Variants in PTPRT observed in about 807,000 individuals in gnomAD.
The protein encoded by PTPRT is protein tyrosine phosphatase receptor type T.
In PTPRT, 56 loss-of-function variants were observed where a neutral mutation model predicts 176.8. The ratio of observed to expected loss-of-function variants is 0.32; its 90% CI spans 0.26 to 0.40. The LOEUF is 0.40. Ranked by LOEUF, PTPRT falls within the 10% of genes least tolerant of loss-of-function variation. The pLI, the probability that PTPRT is intolerant of heterozygous loss-of-function variation, is 1.00. For missense variants in PTPRT, 1,540 were observed against 1,908.2 expected, an observed-to-expected ratio of 0.81 and a Z score of 3.60; for synonymous variants, 783 against 739.0, an observed-to-expected ratio of 1.06 and a Z score of -0.96.
chr20:42,851,523 T>TC (rs2078470727), intron 2 of PTPRT, among the ~76,000 whole-genome samples: 1 of 152,290 alleles, frequency 6.6e-6, no homozygotes, highest in Non-Finnish European at 1.5e-5. Flanking sequence ...CTCAAAAATG[T>TC]CCCTATTGAA....
chr20:42,048,463 T>G, the PTPRT span, among the ~76,000 whole-genome samples: 8 of 152,284 alleles, frequency 5.3e-5, no homozygotes, highest in South Asian at 1.7e-3. Context: ...TAAAGCTTCC[T>G]CTTGGTTCTT....
At chr20:42,387,610 G>A (rs748624158) in intron 9 of PTPRT, among the ~76,000 whole-genome samples, 7 of 151,932 alleles carry the variant, frequency 4.6e-5, no homozygotes, top group African/African-American at 1.5e-4. Context: ...ATGCTCTCCC[G>A]ACTCCAACAC....
chr20:43,071,459 T>A (rs2011179318), intron 1 of PTPRT, among the ~76,000 whole-genome samples: 1 of 152,072 alleles, frequency 6.6e-6, no homozygotes, highest in African/African-American at 2.4e-5. Context: ...GGCCCCCAGC[T>A]CCAGTTCTGC....
chr20:42,500,532 T>C (rs1211242899), intron 7 of PTPRT, among the ~76,000 whole-genome samples: 2 of 152,130 alleles, frequency 1.3e-5, no homozygotes, highest in East Asian at 1.9e-4. Context: ...ATGTGACTAG[T>C]ATAACATTGT....
At position 42,813,947 on chromosome 20, in the gene PTPRT, A is replaced by C. The variant is rs79015883; in HGVS notation, c.215-22481T>G. ...CCATTAGAGAAAGTTAACCTCCTCCATAACCCCCTTCCTTTGCTTTGTTTA... is the reference window on the plus strand; with the variant it reads ...CCATTAGAGAAAGTTAACCTCCTCCCTAACCCCCTTCCTTTGCTTTGTTTA... On this transcript the variant is annotated intron_variant, in intron 2 of 30. Coordinates refer to ENST00000373187, the MANE Select transcript of PTPRT (RefSeq NM_007050.6). Among the ~76,000 whole-genome samples the C allele has an allele frequency of 1.4e-4, 22 of 152,270 alleles. No homozygotes were observed. The East Asian group carries it at 4.2e-3, about 29-fold the overall frequency.
intron 1 of PTPRT, among the ~76,000 whole-genome samples, chr20:42,988,360 G>T (rs1488846681): frequency 6.6e-6 from 1 of 152,184 alleles, no homozygotes. Context: ...TGCAGTCCGT[G>T]CTTGTCTTGC....
intron 7 of PTPRT, among the ~76,000 whole-genome samples, chr20:42,540,197 T>G (rs1034399074): frequency 3.3e-5 from 5 of 152,160 alleles, no homozygotes; most frequent in African/African-American, 1.2e-4. Context: ...CAGAATGGCT[T>G]TAGCTTTCTC....
At chr20:42,448,472 T>C (rs1376379238) in intron 8 of PTPRT, 143 bp from the exon 9 acceptor site, 7 of 642,148 alleles carry the variant, frequency 1.1e-5, no homozygotes, top group Non-Finnish European at 1.4e-5. Context: ...ACGTTCTCTG[T>C]TACAACTACT....
chr20:42,376,402 G>T (rs2058649087), intron 9 of PTPRT, among the ~76,000 whole-genome samples: 1 of 152,210 alleles, frequency 6.6e-6, no homozygotes, highest in South Asian at 2.1e-4. Context: ...ACAGCTGGTT[G>T]CACTCTATGA....
intron 2 of PTPRT, among the ~76,000 whole-genome samples, chr20:42,793,899 A>C (rs2145560928): frequency 6.6e-6 from 1 of 152,274 alleles, no homozygotes; most frequent in Non-Finnish European, 1.5e-5. Context: ...CAGCAGAGGC[A>C]GCAGCCTGAG....
At chr20:42,454,242 C>T (rs767839590) in intron 8 of PTPRT, among the ~76,000 whole-genome samples, 5 of 152,008 alleles carry the variant, frequency 3.3e-5, no homozygotes, top group African/African-American at 7.3e-5. Flanking sequence ...ACCATTCTAC[C>T]GTATATGAAC....
intron 7 of PTPRT, among the ~76,000 whole-genome samples, chr20:42,486,821 G>A (rs1345846627): frequency 6.6e-6 from 1 of 152,068 alleles, no homozygotes; most frequent in East Asian, 1.9e-4. Context: ...ATGCACCAGA[G>A]CCGAGCCAAG....
At chr20:42,824,390 T>C (rs530579815) in intron 2 of PTPRT, among the ~76,000 whole-genome samples, 3 of 152,052 alleles carry the variant, frequency 2.0e-5, no homozygotes, top group Admixed American at 6.6e-5. Context: ...AAAGCCACAA[T>C]AATTAAAAGA....
intron 15 of PTPRT, among the ~76,000 whole-genome samples, chr20:42,210,303 T>C (rs961137686): frequency 3.9e-5 from 6 of 152,096 alleles, no homozygotes; most frequent in African/African-American, 1.4e-4. Flanking sequence ...GCCAGGGCAA[T>C]GAGGCAGGAG....
intron 1 of PTPRT, among the ~76,000 whole-genome samples, chr20:43,001,880 AAAAAAAC>A (rs1984583588): frequency 8.0e-6 from 1 of 125,072 alleles, no homozygotes; most frequent in East Asian, 1.9e-4. Context: ...ACAAACAAAC[AAAAAAAC>A]AAACAAAAAA....
At chr20:42,164,447 A>G (rs970500902) in intron 16 of PTPRT, among the ~76,000 whole-genome samples, 2 of 152,216 alleles carry the variant, frequency 1.3e-5, no homozygotes, top group Non-Finnish European at 2.9e-5. Flanking sequence ...AACATTTGCA[A>G]TAATGTCAAT....
At chr20:42,186,754 G>A (rs953320096) in intron 16 of PTPRT, among the ~76,000 whole-genome samples, 18 of 152,106 alleles carry the variant, frequency 1.2e-4, no homozygotes, top group African/African-American at 4.3e-4. Context: ...GAATGACACG[G>A]ATGGATATGA....
intron 11 of PTPRT, among the ~76,000 whole-genome samples, chr20:42,335,363 T>C (rs956408702): frequency 6.6e-6 from 1 of 152,134 alleles, no homozygotes; most frequent in African/African-American, 2.4e-5. Context: ...CTCAACACCT[T>C]ACTTTTAAAT....
At chr20:42,100,596 T>C (rs994802820) in intron 26 of PTPRT, among the ~76,000 whole-genome samples, 3 of 152,144 alleles carry the variant, frequency 2.0e-5, no homozygotes, top group African/African-American at 4.8e-5. Flanking sequence ...CAGGAGCTTA[T>C]TTGATCTTTG....
Sources: gnomAD v4.1 joint callset for allele counts (sites outside exome capture counted in the v4.1 genomes callset) on GRCh38, gnomAD v4.1.1 for gene constraint, MANE v1.5 for transcripts, NCBI Gene and HGNC (gene_info 2026-07-23, HGNC 2026-07-21) for gene names.